OCA2: variants seen among roughly 807,000 people sequenced by gnomAD.
The protein encoded by OCA2 is OCA2 melanosomal transmembrane protein, also known as P protein.
In OCA2, 77 loss-of-function variants were observed where a neutral mutation model predicts 100.2. The observed-to-expected ratio is 0.77, with a 90% confidence interval of 0.64 to 0.93. The LOEUF (loss-of-function observed/expected upper bound fraction) is 0.93, where lower values mean the gene tolerates loss of function less well. Among genes scored for constraint, OCA2 ranks in the 40% least tolerant of loss-of-function variants. The pLI is 0.00. For missense variants in OCA2, 1,062 were observed against 1,089.1 expected (o/e 0.98, Z 0.35); for synonymous variants, 432 against 439.2 (o/e 0.98, Z 0.21).
intron 18 of OCA2, among the ~76,000 whole-genome samples, chr15:27,944,043 T>A (rs2039748023): frequency 6.6e-6 from 1 of 152,232 alleles, no homozygotes; most frequent in Non-Finnish European, 1.5e-5. Context: ...TCAAATAATT[T>A]ACAGAGTTTC....
chr15:27,888,071 C>A (rs558158022), intron 19 of OCA2, among the ~76,000 whole-genome samples: 4 of 152,114 alleles, frequency 2.6e-5, no homozygotes, highest in Non-Finnish European at 5.9e-5. Context: ...GGGATGCCAT[C>A]TTAACAAACA....
chr15:27,885,322 T>C (rs922180644), intron 19 of OCA2, among the ~76,000 whole-genome samples: 11 of 152,292 alleles, frequency 7.2e-5, no homozygotes, highest in African/African-American at 2.6e-4. Context: ...TGACAGAGTC[T>C]TGGCATGGCT....
At chr15:28,082,153 A>C (rs950848681) in intron 1 of OCA2, among the ~76,000 whole-genome samples, 1 of 152,240 alleles carries the variant, frequency 6.6e-6, no homozygotes, top group African/African-American at 2.4e-5. Context: ...GTCTAGCTAG[A>C]GGATTGTAAA....
intron 19 of OCA2, among the ~76,000 whole-genome samples, chr15:27,897,627 G>A (rs184335137): frequency 6.6e-6 from 1 of 152,330 alleles, no homozygotes; most frequent in East Asian, 1.9e-4. Flanking sequence ...CAGGGGCGGG[G>A]CCTTCATGAA....
chr15:27,774,992 A>G (rs2032107579), intron 23 of OCA2, among the ~76,000 whole-genome samples: 1 of 138,216 alleles, frequency 7.2e-6, no homozygotes, highest in South Asian at 2.2e-4. Context: ...GATGACAGCA[A>G]TCCAGCCCTC....
At chr15:27,833,904 AGGC>A (rs2035053154) in intron 23 of OCA2, among the ~76,000 whole-genome samples, 1 of 152,198 alleles carries the variant, frequency 6.6e-6, no homozygotes, top group Non-Finnish European at 1.5e-5. Context: ...CAAGCAACGC[AGGC>A]ACCTCGAGGG....
intron 9 of OCA2, among the ~76,000 whole-genome samples, chr15:28,006,470 T>C (rs1206977641): frequency 6.6e-6 from 1 of 152,224 alleles, no homozygotes; most frequent in Non-Finnish European, 1.5e-5. Flanking sequence ...TGCTGGATTG[T>C]GAGCTTGCCA....
At chr15:27,911,693 A>G (rs896649192) in intron 19 of OCA2, among the ~76,000 whole-genome samples, 1 of 152,132 alleles carries the variant, frequency 6.6e-6, no homozygotes, top group Non-Finnish European at 1.5e-5. Context: ...GCACCAAGCC[A>G]TTCTTAGAGG....
chr15:27,740,914 C>T, the OCA2 span, among the ~76,000 whole-genome samples: 2 of 152,188 alleles, frequency 1.3e-5, no homozygotes, highest in Non-Finnish European at 2.9e-5. Flanking sequence ...CTCATCCATC[C>T]CACCTAACTC....
At chr15:27,862,953 T>C (rs1243891909) in intron 21 of OCA2, among the ~76,000 whole-genome samples, 3 of 152,246 alleles carry the variant, frequency 2.0e-5, no homozygotes, top group Non-Finnish European at 4.4e-5. Flanking sequence ...TGAAGCTCCT[T>C]TTCCGCTGTG....
rs376556490 is a variant in OCA2, at chr15:27,853,810, C to CAGG, written c.2245-2338_2245-2336dup. ...GTATGTCAACCACTCTAAAGAGCAG[C>CAGG]AGGAGGAGAGCACCAATGGTGGCTG... On this transcript the variant is annotated intron_variant, in intron 21 of 23. Coordinates refer to ENST00000354638, the MANE Select transcript of OCA2 (RefSeq NM_000275.3). Among the ~76,000 whole-genome samples the CAGG allele has an allele frequency of 2.8e-3, 427 of 152,242 alleles. 2 individuals are homozygous for CAGG. Among genetic ancestry groups the CAGG allele is most frequent in the African/African-American group, 9.8e-3 (407 of 41,554 alleles).
At position 27,791,777 on chromosome 15, in the gene OCA2, T is replaced by C. The variant is rs2033094192; in HGVS notation, c.2433-36305A>G. ...GCAGAGGGACTCTTGAGCAACGTAC[T>C]AGACACACTACGGGGTTGCTTTGGA... is the stretch of plus-strand genomic sequence containing the variant. On this transcript the variant is annotated intron_variant, in intron 23 of 23. Coordinates refer to ENST00000354638, the MANE Select transcript of OCA2 (RefSeq NM_000275.3). Among the ~76,000 whole-genome samples the C allele has an allele frequency of 1.3e-5, 2 of 152,206 alleles. 1 individual carries two copies. Among genetic ancestry groups the C allele is most frequent in the African/African-American group, 4.8e-5 (2 of 41,456 alleles).
chr15:28,036,900 T>C (rs1327596109), intron 2 of OCA2, among the ~76,000 whole-genome samples: 1 of 152,108 alleles, frequency 6.6e-6, no homozygotes, highest in Non-Finnish European at 1.5e-5. Flanking sequence ...AGGCACCATT[T>C]ATGCAGCCAT....
At chr15:27,961,457 C>G (rs1215353249) in intron 15 of OCA2, among the ~76,000 whole-genome samples, 1 of 152,154 alleles carries the variant, frequency 6.6e-6, no homozygotes, top group African/African-American at 2.4e-5. Flanking sequence ...GGGTATATAA[C>G]CAAAGGATTA....
Position 27,966,787 on chromosome 15 carries a change from G to GA in OCA2, c.1538dup (p.Ile514HisfsTer25), listed in dbSNP as rs1567168441. On this transcript the variant is annotated frameshift_variant, in exon 15 of 24. Transcript: ENST00000354638. LOFTEE classifies it high-confidence loss of function. Reference sequence around the variant, plus strand: ...CCAGGAGAACAAGGCAAATCCCAATGAACATGTGTGCAGTGAATCCGGCAA... The same window carrying GA: ...CCAGGAGAACAAGGCAAATCCCAATGAAACATGTGTGCAGTGAATCCGGCAA... 2 of 1,612,936 alleles carry GA rather than the reference G, an allele frequency of 1.2e-6. No individual in the cohort carries two copies. Among genetic ancestry groups the GA allele is most frequent in the African/African-American group, 1.3e-5 (1 of 74,884 alleles).
chr15:27,761,325 A>G (rs1190536629), intron 23 of OCA2, among the ~76,000 whole-genome samples: 1 of 152,096 alleles, frequency 6.6e-6, no homozygotes. Flanking sequence ...AAAATTAAAA[A>G]CACAATACCA....
At chr15:27,972,699 TA>T (rs928484144) in intron 14 of OCA2, among the ~76,000 whole-genome samples, 29 of 151,684 alleles carry the variant, frequency 1.9e-4, no homozygotes, top group African/African-American at 6.8e-4. Context: ...TTATTGGGAT[TA>T]TTTTTTTTTT....
intron 19 of OCA2, among the ~76,000 whole-genome samples, chr15:27,924,376 T>C (rs1048880874): frequency 3.3e-5 from 5 of 149,510 alleles, no homozygotes; most frequent in African/African-American, 7.5e-5. Flanking sequence ...ATCCATGTTG[T>C]TCAAGGGTCA....
the OCA2 span, among the ~76,000 whole-genome samples, chr15:27,736,758 A>T: frequency 6.6e-6 from 1 of 151,722 alleles, no homozygotes; most frequent in South Asian, 2.1e-4. Flanking sequence ...AATACACAGC[A>T]ATTCACAGCC....
Sources: allele counts gnomAD v4.1 joint callset (sites outside exome capture counted in the v4.1 genomes callset), GRCh38; gene constraint gnomAD v4.1.1; transcripts MANE v1.5; gene names NCBI Gene and HGNC (gene_info 2026-07-23, HGNC 2026-07-21).